The following FRMD1 variants were observed in gnomAD, a reference collection of about 807,000 sequenced individuals.
The protein encoded by FRMD1 is FERM domain containing 1.
Under a neutral mutation model 54.9 loss-of-function variants are expected in FRMD1, and 51 were observed. The ratio of observed to expected loss-of-function variants is 0.93; its 90% confidence interval spans 0.74 to 1.17. The LOEUF (loss-of-function observed/expected upper bound fraction) is 1.17. Ranked by LOEUF, FRMD1 falls within the 50% of genes most tolerant of loss-of-function variation. The pLI is 0.00. For missense variants in FRMD1, 729 were observed against 743.0 expected (o/e 0.98, Z 0.22); for synonymous variants, 324 against 306.4 (o/e 1.06, Z -0.60).
At chr6:168,089,461 G>A (rs958207701) in intron 1 of FRMD1, among the ~76,000 whole-genome samples, 2 of 152,232 alleles carry the variant, frequency 1.3e-5, no homozygotes, top group Non-Finnish European at 2.9e-5. Context: ...GGGTCTGGTC[G>A]GCTGTCCTCT....
chr6:168,063,783 C>T (rs562906805), intron 5 of FRMD1, 27 bp from the exon 6 acceptor site: 1 of 1,584,576 alleles, frequency 6.3e-7, no homozygotes, highest in South Asian at 1.1e-5. Flanking sequence ...GAGGTCAGCT[C>T]AGACCCCTGC....
At chr6:168,057,682 C>A (rs1014161127) in intron 10 of FRMD1, 2 of 279,400 alleles carry the variant, frequency 7.2e-6, no homozygotes, top group Non-Finnish European at 1.3e-5. Flanking sequence ...CTGGAAGCAC[C>A]TCAGTGGTCA....
At chr6:168,073,958 C>T (rs1030966493) in intron 2 of FRMD1, among the ~76,000 whole-genome samples, 2 of 152,092 alleles carry the variant, frequency 1.3e-5, no homozygotes, top group East Asian at 3.9e-4. Context: ...CACCGCTGGT[C>T]AGCACTGAGC....
intron 1 of FRMD1, among the ~76,000 whole-genome samples, chr6:168,077,759 G>T (rs547232982): frequency 6.6e-6 from 1 of 152,214 alleles, no homozygotes; most frequent in African/African-American, 2.4e-5. Flanking sequence ...AAACCTAAAA[G>T]TTCCAGCTCT....
At chr6:168,061,683 TG>T in intron 8 of FRMD1, 123 bp downstream of exon 8, 1 of 1,039,876 alleles carries the variant, frequency 9.6e-7, no homozygotes, top group Non-Finnish European at 1.4e-6. Context: ...CTGGGGGACG[TG>T]GGAGTCAGGA....
At position 168,071,184 on chromosome 6, in the gene FRMD1, G is replaced by A. The variant is rs1324202652; in HGVS notation, c.305-3738C>T. On this transcript the variant is annotated intron_variant, in intron 2 of 10. Transcript: ENST00000283309. ...GAGGGCCAAGGCCAGGCCAGGTGGA[G>A]CCCACTCTCTCTCTATTCCTCTCTG... Among the ~76,000 whole-genome samples the A allele has an allele frequency of 3.3e-5, 5 of 152,208 alleles. No homozygotes were observed. In the South Asian group the frequency reaches 1.0e-3, roughly 32 times the overall value.
At chr6:168,063,072 C>T (rs1306010752) in intron 6 of FRMD1, 113 bp from the exon 7 acceptor site, 1 of 832,808 alleles carries the variant, frequency 1.2e-6, no homozygotes, top group South Asian at 1.4e-5. Flanking sequence ...CCAGGCTGAG[C>T]TCTGGGGCCC....
rs754245753 is a variant in FRMD1, at chr6:168,079,121, C to T, written c.-27G>A. 6.4e-7 allele frequency: 1 copy of T among 1,568,566 alleles called. No individual in the cohort carries two copies. Among genetic ancestry groups the T allele is most frequent in the South Asian group, 1.2e-5 (1 of 86,514 alleles). On this transcript the variant is annotated 5_prime_UTR_variant, in exon 1 of 11. It removes an upstream start codon present in the reference 5' UTR. Coordinates refer to ENST00000283309, the MANE Select transcript of FRMD1 (RefSeq NM_024919.6). ...CTGTCGTTACTCGGCCCTCCCCCGCCATGGGTCGCAGGTGGGTGCTCAGCA... is the reference window on the plus strand; with the variant it reads ...CTGTCGTTACTCGGCCCTCCCCCGCTATGGGTCGCAGGTGGGTGCTCAGCA...
upstream of FRMD1, among the ~76,000 whole-genome samples, chr6:168,084,158 G>A (rs895542097): frequency 6.6e-6 from 1 of 152,084 alleles, no homozygotes; most frequent in Non-Finnish European, 1.5e-5. Context: ...CGTTTTCAGG[G>A]GTCTGCCTCT....
upstream of FRMD1, chr6:168,081,311 G>T (rs1800823253): frequency 6.8e-7 from 1 of 1,476,896 alleles, no homozygotes; most frequent in African/African-American, 1.4e-5. Flanking sequence ...TGAGAAGGCA[G>T]AGGCGTGACC....
At chr6:168,084,845 T>C (rs1244548291), upstream of FRMD1, among the ~76,000 whole-genome samples, 1 of 152,070 alleles carries the variant, frequency 6.6e-6, no homozygotes, top group Non-Finnish European at 1.5e-5. Flanking sequence ...TTCCTCCCCA[T>C]CACAGGGAGA....
chr6:168,064,608 A>G (rs768824213), intron 5 of FRMD1, among the ~76,000 whole-genome samples: 1 of 152,238 alleles, frequency 6.6e-6, no homozygotes, highest in African/African-American at 2.4e-5. Context: ...GCAAGGCCAC[A>G]CAGCTGGCTG....
intron 2 of FRMD1, among the ~76,000 whole-genome samples, chr6:168,071,109 C>T (rs1430021161): frequency 6.6e-6 from 1 of 152,218 alleles, no homozygotes; most frequent in Non-Finnish European, 1.5e-5. Context: ...GGCCAAGGGG[C>T]TGGACACCGG....
chr6:168,075,984 C>G, intron 1 of FRMD1: 2 of 1,055,242 alleles, frequency 1.9e-6, no homozygotes, highest in Non-Finnish European at 2.7e-6. Context: ...TCCGGCGTCT[C>G]GCATGTGACA....
At chr6:168,086,937 A>G (rs1015211113) in intron 1 of FRMD1, among the ~76,000 whole-genome samples, 4 of 152,126 alleles carry the variant, frequency 2.6e-5, no homozygotes, top group African/African-American at 9.7e-5. Flanking sequence ...GGCCTGATGG[A>G]GTGACCCAGC....
chr6:168,063,037 G>T, intron 6 of FRMD1, 78 bp from the exon 7 acceptor site: 1 of 1,257,398 alleles, frequency 8.0e-7, no homozygotes, highest in Non-Finnish European at 1.2e-6. Flanking sequence ...TGGTCAGTCT[G>T]GCTAGGGGCC....
In FRMD1 at chr6:168,059,192, T is replaced by C. The variant is rs759276821; in HGVS notation, c.1343-4A>G. 1 of 1,581,970 alleles carries C rather than the reference T, an allele frequency of 6.3e-7. No individual in the cohort carries two copies. Among genetic ancestry groups the C allele is most frequent in the South Asian group, 1.2e-5 (1 of 86,926 alleles). ...GTGCAGGGCTCCTGACGAGTGGCTG[T>C]GGGAGGAGGCAGCCGTGAGCACAGG... On this transcript the variant is annotated splice_region_variant and splice_polypyrimidine_tract_variant and intron_variant, in intron 9 of 10. Coordinates refer to ENST00000283309, the MANE Select transcript of FRMD1 (RefSeq NM_024919.6). This position sits in a 1 kb window ranked among gnomAD's most constrained non-coding sequence, Gnocchi z 4.4.
Position 168,064,920 on chromosome 6 carries a change from G to A in FRMD1, c.599C>T (p.Ser200Leu), listed in dbSNP as rs376148150. The A allele has an allele frequency of 1.1e-4, 177 of 1,604,436 alleles. 1 individual carries two copies. The highest frequency in any genetic ancestry group is 1.3e-4 in the Non-Finnish European group (157 of 1,176,192). The change falls in exon 5 of 11, where the codon TCG becomes TTG. Residue 200 changes from serine (S) to leucine (L), a missense_variant. Transcript: ENST00000283309. ...CTCGAAGTACCTCCCGGCATGGGCCGACTCCCGGTGCTCGCCCAGGTCAGC... is the reference window on the plus strand; with the variant it reads ...CTCGAAGTACCTCCCGGCATGGGCCAACTCCCGGTGCTCGCCCAGGTCAGC... ...LQADLGEHRE[S>L]AHAGRYFEPH...
chr6:168,067,354 ACT>A lies in FRMD1; in HGVS notation c.384+11_384+12del. 6.4e-7 allele frequency: 1 copy of A among 1,556,132 alleles called. No homozygotes were observed. Among genetic ancestry groups the A allele is most frequent in the South Asian group, 1.2e-5 (1 of 83,592 alleles). ...CGGTGCCTGCCCTCTCCCACCCGAC[ACT>A]CTACACTTACTTCATTTCTTTCTTT... is the stretch of plus-strand genomic sequence containing the variant. On this transcript the variant is annotated intron_variant, in intron 3 of 10. Transcript: ENST00000283309.
Sources: gnomAD v4.1 joint callset for allele counts (sites outside exome capture counted in the v4.1 genomes callset) on GRCh38, gnomAD v4.1.1 for gene constraint, Gnocchi (gnomAD v3.1) non-coding constraint, MANE v1.5 for transcripts, NCBI Gene and HGNC (gene_info 2026-07-23, HGNC 2026-07-21) for gene names.